The following DOCK9 variants were observed in gnomAD, a reference collection of about 807,000 sequenced individuals.
The protein encoded by DOCK9 is dedicator of cytokinesis protein 9.
Under a neutral mutation model 263.3 loss-of-function variants are expected in DOCK9, and 89 were observed. The observed-to-expected ratio is 0.34, with a 90% CI of 0.28 to 0.40. DOCK9 has a LOEUF of 0.40. Ranked by LOEUF, DOCK9 falls within the 10% of genes least tolerant of loss-of-function variation. The pLI is 1.00. For missense variants in DOCK9, 2,140 were observed against 2,603.4 expected (o/e 0.82, Z 3.87); for synonymous variants, 976 against 973.1 (o/e 1.00, Z -0.06).
chr13:98,934,503 T>C (rs190578471), intron 2 of DOCK9, among the ~76,000 whole-genome samples: 2 of 152,340 alleles, frequency 1.3e-5, no homozygotes, highest in African/African-American at 4.8e-5. Context: ...TAATAAATTA[T>C]TGTCTTAAGT....
intron 2 of DOCK9, among the ~76,000 whole-genome samples, chr13:98,950,642 CTGTT>C (rs1372110762): frequency 1.3e-5 from 2 of 152,188 alleles, no homozygotes; most frequent in East Asian, 1.9e-4. Context: ...GCTCTGTCCT[CTGTT>C]TGTTTACACC....
chr13:98,818,595 G>A (rs1214522755), intron 45 of DOCK9, among the ~76,000 whole-genome samples: 1 of 151,608 alleles, frequency 6.6e-6, no homozygotes, highest in African/African-American at 2.4e-5. Context: ...AAAGCTGGTT[G>A]GGGGAAAATA....
intron 27 of DOCK9, among the ~76,000 whole-genome samples, chr13:98,875,852 G>C (rs955855060): frequency 3.3e-5 from 5 of 152,104 alleles, no homozygotes; most frequent in Admixed American, 2.0e-4. Flanking sequence ...AGTTCGAAGG[G>C]GTTCTGATTC....
chr13:99,005,617 T>G (rs940989576), intron 1 of DOCK9, among the ~76,000 whole-genome samples: 3 of 152,156 alleles, frequency 2.0e-5, no homozygotes, highest in African/African-American at 7.2e-5. Flanking sequence ...GAAAAATGGG[T>G]AGGAAATTGA....
At chr13:98,996,590 G>A (rs1054539623) in intron 1 of DOCK9, among the ~76,000 whole-genome samples, 18 of 152,324 alleles carry the variant, frequency 1.2e-4, no homozygotes, top group African/African-American at 2.9e-4. Context: ...TCCAATCCAC[G>A]GCCCAGGGCC....
chr13:99,082,620 A>T (rs963554834), intron 1 of DOCK9, among the ~76,000 whole-genome samples: 8 of 152,054 alleles, frequency 5.3e-5, no homozygotes, highest in Non-Finnish European at 1.2e-4. Flanking sequence ...CTCTAGAAAA[A>T]CCGAGTATGC....
At chr13:98,933,865 C>CTGTTGTTGTTGTTGT (rs71724333) in intron 2 of DOCK9, among the ~76,000 whole-genome samples, 1 of 148,930 alleles carries the variant, frequency 6.7e-6, no homozygotes, top group South Asian at 2.2e-4. Flanking sequence ...AACCTAGCCT[C>CTGTTGTTGTTGTTGT]TGTTGTTGTT....
chr13:98,888,047 G>C (rs1358743241), intron 18 of DOCK9, 111 bp downstream of exon 18: 2 of 687,184 alleles, frequency 2.9e-6, no homozygotes, highest in Non-Finnish European at 4.8e-6. Flanking sequence ...TTTTTGATTT[G>C]TGTCAATTAA....
chr13:98,978,833 A>C (rs1876091563), upstream of DOCK9, among the ~76,000 whole-genome samples: 1 of 152,212 alleles, frequency 6.6e-6, no homozygotes, highest in African/African-American at 2.4e-5. Context: ...AAGCACGGGA[A>C]AATAGCTGGA....
intron 1 of DOCK9, among the ~76,000 whole-genome samples, chr13:98,973,810 C>T (rs1470315648): frequency 2.0e-5 from 3 of 152,140 alleles, no homozygotes; most frequent in African/African-American, 7.2e-5. Context: ...GTTGCCCAAA[C>T]TGGTTTTGAA....
chr13:98,839,157 T>C (rs2093119032), intron 38 of DOCK9, among the ~76,000 whole-genome samples: 2 of 152,246 alleles, frequency 1.3e-5, no homozygotes, highest in African/African-American at 2.4e-5. Context: ...GATCCTGTTG[T>C]GGATCACATC....
intron 1 of DOCK9, among the ~76,000 whole-genome samples, chr13:99,031,730 T>G (rs1416401421): frequency 6.6e-6 from 1 of 152,166 alleles, no homozygotes; most frequent in Non-Finnish European, 1.5e-5. Flanking sequence ...ACAGCAAAGG[T>G]GGTTCACACA....
rs565845589 is a variant in DOCK9, at chr13:98,912,704, G to A, written c.960+1624C>T. Among the ~76,000 whole-genome samples, 31 of 152,162 alleles carry A rather than the reference G, an allele frequency of 2.0e-4. No homozygotes were observed. The South Asian group carries it at 5.2e-3, about 25-fold the overall frequency. On this transcript the variant is annotated intron_variant, in intron 9 of 52. Coordinates refer to ENST00000682017, the MANE Select transcript of DOCK9 (RefSeq NM_001366683.2). ...TGGGTAGTAAGAGAAGGAGGGGACC[G>A]TTCCTGTATATCCTCATAGGAAAAA...
intron 33 of DOCK9, chr13:98,858,727 G>A (rs1290868776): frequency 6.6e-6 from 1 of 152,172 alleles, no homozygotes; most frequent in Non-Finnish European, 1.5e-5. Context: ...AGTGAAAAAG[G>A]ATTAAGTCAG....
At chr13:99,053,693 AG>A (rs2040801747) in intron 1 of DOCK9, among the ~76,000 whole-genome samples, 1 of 152,192 alleles carries the variant, frequency 6.6e-6, no homozygotes, top group African/African-American at 2.4e-5. Context: ...CCTTCCTGCC[AG>A]GGCCTGGAGT....
At chr13:99,084,743 C>T (rs2042263443) in intron 1 of DOCK9, among the ~76,000 whole-genome samples, 1 of 152,232 alleles carries the variant, frequency 6.6e-6, no homozygotes, top group African/African-American at 2.4e-5. Context: ...TCTTCTGCCT[C>T]AAATCCCTGA....
At chr13:99,032,764 C>T (rs552906414) in intron 1 of DOCK9, among the ~76,000 whole-genome samples, 1 of 152,218 alleles carries the variant, frequency 6.6e-6, no homozygotes, top group Non-Finnish European at 1.5e-5. Context: ...AAAAGGAATA[C>T]TTGAAGAGTC....
In DOCK9 at chr13:98,860,483, G is replaced by A; in HGVS notation, c.3619C>T (p.Pro1207Ser). ...CTTCCCTTCTGCGGCGTCACCAGCG[G>A]ATTCACAGCTGGTAGAGCCAGGGAT... ...DESLALPAVN[P>S]LVTPQKGSTL... The change falls in exon 33 of 53, where the codon CCG becomes TCG. Residue 1207 changes from proline (P) to serine (S), a missense_variant. Pro to Ser is a moderately conservative substitution (Grantham distance 74, BLOSUM62 -1). Coordinates refer to ENST00000682017, the MANE Select transcript of DOCK9 (RefSeq NM_001366683.2). 6.3e-7 allele frequency: 1 copy of A among 1,584,028 alleles called. No individual in the cohort carries two copies. Among genetic ancestry groups the A allele is most frequent in the South Asian group, 1.2e-5 (1 of 86,510 alleles).
chr13:98,857,786 C>T (rs1431066439), intron 33 of DOCK9: 1 of 152,222 alleles, frequency 6.6e-6, no homozygotes, highest in Non-Finnish European at 1.5e-5. Context: ...GCCTTATTGT[C>T]AGCCAGTGGC....
Sources: gnomAD v4.1 joint callset for allele counts (sites outside exome capture counted in the v4.1 genomes callset) on GRCh38, gnomAD v4.1.1 for gene constraint, MANE v1.5 for transcripts, NCBI Gene and HGNC (gene_info 2026-07-23, HGNC 2026-07-21) for gene names.